BNC1: variants seen among roughly 807,000 people sequenced by gnomAD.
BNC1 encodes basonuclin zinc finger protein 1.
A neutral mutation model predicts 66.5 loss-of-function variants in BNC1; 8 were observed. The observed-to-expected ratio is 0.12, with a 90% CI of 0.07 to 0.22. The LOEUF (loss-of-function observed/expected upper bound fraction) is 0.22, where lower values mean the gene tolerates loss of function less well. Among genes scored for constraint, BNC1 ranks in the 10% least tolerant of loss-of-function variants. The pLI is 1.00. For synonymous variants in BNC1, 454 were observed against 452.6 expected (o/e 1.00, Z -0.04); for missense variants, 1,069 against 1,241.3 (o/e 0.86, Z 2.09).
In BNC1 at chr15:83,257,508, T is replaced by G. The variant is rs1486921184; in HGVS notation, c.2919A>C (p.Arg973=). Residue 973 remains arginine, a synonymous_variant, in exon 5 of 5, where the codon CGA becomes CGC. Transcript: ENST00000345382. ...CNTMFSSVRS[R]NRHSQNPNLH... ...GGTTGGGATTCTGGCTGTGTCTGTT[T>G]CGACTGCGAACAGACGAAAACATGG... 2 of 1,614,186 alleles carry G rather than the reference T, an allele frequency of 1.2e-6. No individual in the cohort carries two copies. The highest frequency in any genetic ancestry group is 1.7e-5 in the Admixed American group (1 of 60,028).
At position 83,257,669 on chromosome 15, in the gene BNC1, C is replaced by T; in HGVS notation, c.2758G>A (p.Ala920Thr). Reference protein sequence around the residue: ...VLMEKADQSLASLPSGLPITC... With the variant: ...VLMEKADQSLTSLPSGLPITC... Reference sequence around the variant, plus strand: ...ATGGGCAACCCAGAAGGCAGGCTAGCAAGGCTCTGGTCAGCCTTCTCCATC... The same window carrying T: ...ATGGGCAACCCAGAAGGCAGGCTAGTAAGGCTCTGGTCAGCCTTCTCCATC... The change falls in exon 5 of 5, where the codon GCT becomes ACT. Residue 920 changes from alanine (A) to threonine (T), a missense_variant. By Grantham distance (58) the Ala-to-Thr change is moderately conservative (BLOSUM62 0). Around this residue, in one of 7 missense-constraint regions of BNC1, gnomAD observed 657 missense variants for 715.8 expected, o/e 0.92. Coordinates refer to ENST00000345382, the MANE Select transcript of BNC1 (RefSeq NM_001717.4). 3 of 1,614,102 alleles carry T rather than the reference C, an allele frequency of 1.9e-6. No homozygotes were observed. Among genetic ancestry groups the T allele is most frequent in the Non-Finnish European group, 2.5e-6 (3 of 1,180,006 alleles).
rs537561839 is a variant in BNC1, at chr15:83,282,370, T to G, written c.99+2160A>C. On this transcript the variant is annotated intron_variant, in intron 1 of 4. Transcript: ENST00000345382. Reference sequence around the variant, plus strand: ...TCGTATCTTATTCGTTTTAACCATCTGAAAGTATGCCAAAAAGAATAAAGT... The same window carrying G: ...TCGTATCTTATTCGTTTTAACCATCGGAAAGTATGCCAAAAAGAATAAAGT... 2.0e-5 allele frequency among the ~76,000 whole-genome samples: 3 copies of G among 152,368 alleles called. No homozygotes were observed. In the South Asian group the frequency reaches 6.2e-4, roughly 32 times the overall value.
intron 2 of BNC1, among the ~76,000 whole-genome samples, chr15:83,267,469 G>A (rs570742677): frequency 2.0e-5 from 3 of 152,244 alleles, no homozygotes; most frequent in Admixed American, 1.3e-4. Context: ...TGTGGGGCTT[G>A]ACATTTTCTA....
intron 1 of BNC1, among the ~76,000 whole-genome samples, chr15:83,277,026 C>T (rs1327971074): frequency 6.6e-6 from 1 of 152,206 alleles, no homozygotes; most frequent in Non-Finnish European, 1.5e-5. Flanking sequence ...AAAACCCAGT[C>T]TGGCAAACCA....
At position 83,257,178 on chromosome 15, in the gene BNC1, C is replaced by A; in HGVS notation, c.*264G>T. ...TGTCCCAGGGAACATGTAAACAAAT[C>A]TGGGAAAAATCACATTTCTGCAAGT... is the stretch of plus-strand genomic sequence containing the variant. On this transcript the variant is annotated 3_prime_UTR_variant, in exon 5 of 5. Transcript: ENST00000345382. 1 of 520,682 alleles carries A rather than the reference C, an allele frequency of 1.9e-6. No individual in the cohort carries two copies. The highest frequency in any genetic ancestry group is 1.9e-5 in the African/African-American group (1 of 52,212). 32.3% of individuals were successfully genotyped at this position (520,682 alleles called of 1,614,324 possible). A position where few individuals can be genotyped will look rare whatever the true frequency, so the allele number is the denominator to read the frequency against.
In BNC1 at chr15:83,262,989, G is replaced by A. The variant is rs762890964; in HGVS notation, c.2262C>T (p.Gly754=). The change falls in exon 4 of 5, where the codon GGC becomes GGT. Residue 754 remains glycine, a synonymous_variant. Coordinates refer to ENST00000345382, the MANE Select transcript of BNC1 (RefSeq NM_001717.4). ...VKEMHTCTVE[G]CNATFPSRRS... is the part of the protein sequence containing the mutation. ...TGCGGGAGGGAAAGGTAGCATTACA[G>A]CCCTCCACTGTGCATGTGTGCATTT... 9.3e-6 allele frequency: 15 copies of A among 1,613,842 alleles called. No individual in the cohort carries two copies. The highest frequency in any genetic ancestry group is 1.2e-5 in the Non-Finnish European group (14 of 1,179,874).
chr15:83,262,808 G>A, intron 4 of BNC1, 143 bp downstream of exon 4: 4 of 837,984 alleles, frequency 4.8e-6, no homozygotes, highest in Non-Finnish European at 7.1e-6. Flanking sequence ...CAACTCTCAG[G>A]CCTCACCCTA....
intron 4 of BNC1, 30 bp downstream of exon 4, chr15:83,262,921 A>AG: frequency 6.4e-7 from 1 of 1,560,188 alleles, no homozygotes; most frequent in Non-Finnish European, 8.7e-7. Flanking sequence ...CCACTGCCTT[A>AG]GAAAAAATGA....
chr15:83,280,102 T>TTAATTTTAAAATTAATAA (rs1157403876), intron 1 of BNC1, among the ~76,000 whole-genome samples: 2 of 152,228 alleles, frequency 1.3e-5, no homozygotes, highest in Admixed American at 1.3e-4. Flanking sequence ...TGTGCTTTTT[T>TTAATTTTAAAATTAATAA]TCTTAAAATT....
intron 1 of BNC1, chr15:83,283,241 C>T: frequency 6.5e-7 from 1 of 1,535,654 alleles, no homozygotes; most frequent in Non-Finnish European, 8.7e-7. Context: ...GAGCTACGCG[C>T]TGATTAATAT....
intron 3 of BNC1, among the ~76,000 whole-genome samples, chr15:83,265,809 G>T (rs1339897968): frequency 6.6e-6 from 1 of 152,116 alleles, no homozygotes; most frequent in Non-Finnish European, 1.5e-5. Flanking sequence ...CTGGTTTTTT[G>T]ACTGGAAAAT....
chr15:83,283,380 C>A, intron 1 of BNC1: 1 of 1,371,344 alleles, frequency 7.3e-7, no homozygotes, highest in Non-Finnish European at 9.4e-7. Context: ...CAGCGGGAGA[C>A]CCCGCAGCGG....
chr15:83,273,493 A>G (rs1314563338), intron 1 of BNC1, among the ~76,000 whole-genome samples: 1 of 152,238 alleles, frequency 6.6e-6, no homozygotes. Flanking sequence ...TGAACTCATC[A>G]AGACACAATC....
chr15:83,257,824 C>G lies in BNC1; in HGVS notation c.2603G>C (p.Ser868Thr). 1.2e-6 allele frequency: 2 copies of G among 1,614,174 alleles called. No individual in the cohort carries two copies. Among genetic ancestry groups the G allele is most frequent in the Non-Finnish European group, 1.7e-6 (2 of 1,180,038 alleles). Residue 868 changes from serine (S) to threonine (T), a missense_variant, in exon 5 of 5, where the codon AGT (serine) becomes ACT (threonine). This residue lies in a region of BNC1 where 657 missense variants were observed against 715.8 expected (regional missense o/e 0.92). Coordinates refer to ENST00000345382, the MANE Select transcript of BNC1 (RefSeq NM_001717.4). ...AGAGTCCCAGGAAGAATGGCTGCTA[C>G]TCTCTGACTTCATGCTCGAGGTAGT... ...LSTTSSMKSE[S>T]SSHSSWDSDG...
Position 83,264,486 on chromosome 15 carries a change from T to C in BNC1, c.765A>G (p.Ala255=). ...PFQFFNPLPP[A]LIGSLPEQYM... ...ATTGTTCGGGCAATGACCCTATCAG[T>C]GCAGGAGGCAGAGGGTTGAAGAACT... is the stretch of plus-strand genomic sequence containing the variant. The change falls in exon 4 of 5, where the codon GCA becomes GCG. Residue 255 remains alanine (A), a synonymous_variant. Transcript: ENST00000345382. The C allele has an allele frequency of 6.2e-7, 1 of 1,614,130 alleles. No individual in the cohort carries two copies. The highest frequency in any genetic ancestry group is 1.1e-5 in the South Asian group (1 of 91,068).
At chr15:83,284,075 G>C (rs2038415271) in intron 1 of BNC1, among the ~76,000 whole-genome samples, 1 of 151,312 alleles carries the variant, frequency 6.6e-6, no homozygotes, top group African/African-American at 2.4e-5. Context: ...TGAAATATCA[G>C]CTGTTTCACA....
chr15:83,267,208 C>A (rs562255736), intron 2 of BNC1, 137 bp from the exon 3 acceptor site: 2 of 648,740 alleles, frequency 3.1e-6, no homozygotes, highest in East Asian at 2.7e-5. Flanking sequence ...TGATTAAATA[C>A]CTTAATAGCT....
Position 83,263,319 on chromosome 15 carries a change from C to T in BNC1, c.1932G>A (p.Met644Ile). ...CACCATCCTCGACCTCCCTTGGCAC[C>T]ATGATCAATGCTGGTGTCTGCTCAG... Reference protein sequence around the residue: ...RETEQTPALIMVPREVEDGGH... With the variant: ...RETEQTPALIIVPREVEDGGH... Residue 644 changes from methionine (M) to isoleucine (I), a missense_variant, in exon 4 of 5, where the codon ATG becomes ATA. Physicochemically the swap from Met to Ile is conservative, Grantham distance 10 (BLOSUM62 1). Transcript: ENST00000345382. 6.2e-7 allele frequency: 1 copy of T among 1,614,230 alleles called. No individual in the cohort carries two copies. The highest frequency in any genetic ancestry group is 1.1e-5 in the South Asian group (1 of 91,078).
Position 83,263,684 on chromosome 15 carries a change from T to A in BNC1, c.1567A>T (p.Ile523Phe), listed in dbSNP as rs780377343. The change falls in exon 4 of 5, where the codon ATT (isoleucine) becomes TTT (phenylalanine). Residue 523 changes from isoleucine to phenylalanine, a missense_variant. Ile to Phe is a conservative substitution (Grantham distance 21). Around this residue, in one of 7 missense-constraint regions of BNC1, gnomAD observed 657 missense variants for 715.8 expected, o/e 0.92. Coordinates refer to ENST00000345382, the MANE Select transcript of BNC1 (RefSeq NM_001717.4). ...LLSSSIPEQLISNEMPFDALP... is the reference protein window; with the variant it reads ...LLSSSIPEQLFSNEMPFDALP... ...GCATCAAATGGCATTTCGTTTGAAA[T>A]GAGCTGTTCTGGGATTGAAGAGGAC... 1.7e-5 allele frequency: 27 copies of A among 1,614,168 alleles called. No individual in the cohort carries two copies. Among genetic ancestry groups the A allele is most frequent in the Non-Finnish European group, 2.3e-5 (27 of 1,180,010 alleles).
Sources: allele counts gnomAD v4.1 joint callset (sites outside exome capture counted in the v4.1 genomes callset), GRCh38; gene constraint gnomAD v4.1.1; regional missense constraint gnomAD v4.1.1; transcripts MANE v1.5; gene names NCBI Gene and HGNC (gene_info 2026-07-23, HGNC 2026-07-21).